Variants in LRBA observed in about 807,000 individuals in gnomAD.
The protein encoded by LRBA is lipopolysaccharide-responsive and beige-like anchor protein.
Under a neutral mutation model 330.0 loss-of-function variants are expected in LRBA, and 176 were observed. That is an observed-to-expected ratio of 0.53 (90% CI 0.47 to 0.60). The LOEUF is 0.60. LRBA is among the 20% of genes least tolerant of loss of function. The pLI, the probability that LRBA is intolerant of heterozygous loss-of-function variation, is 0.00. For missense variants in LRBA, 3,259 were observed against 3,444.8 expected, an observed-to-expected ratio of 0.95 and a Z score of 1.35; for synonymous variants, 1,230 against 1,193.0, an observed-to-expected ratio of 1.03 and a Z score of -0.64.
intron 22 of LRBA, among the ~76,000 whole-genome samples, chr4:150,860,787 C>T (rs1264249057): frequency 6.6e-6 from 1 of 151,168 alleles, no homozygotes; most frequent in East Asian, 1.9e-4. Flanking sequence ...AAGATCGTGC[C>T]ACAGGGCGAC....
intron 33 of LRBA, among the ~76,000 whole-genome samples, chr4:150,805,046 T>G (rs2126704038): frequency 6.6e-6 from 1 of 152,208 alleles, no homozygotes; most frequent in South Asian, 2.1e-4. Flanking sequence ...ATTTAAGAAA[T>G]TATCCTCTAT....
intron 17 of LRBA, among the ~76,000 whole-genome samples, chr4:150,884,650 C>T (rs1339893024): frequency 6.6e-6 from 1 of 151,842 alleles, no homozygotes; most frequent in Admixed American, 6.6e-5. Context: ...AGCTGTAGAC[C>T]GTGGAGAAAA....
chr4:150,687,315 G>A (rs770449301), intron 36 of LRBA, among the ~76,000 whole-genome samples: 10 of 152,044 alleles, frequency 6.6e-5, no homozygotes, highest in Admixed American at 3.9e-4. Context: ...ACATATTTGT[G>A]TATGTATGTA....
At chr4:150,387,762 G>A (rs2151902074) in intron 47 of LRBA, among the ~76,000 whole-genome samples, 1 of 152,148 alleles carries the variant, frequency 6.6e-6, no homozygotes, top group East Asian at 1.9e-4. Context: ...TAACATTTGA[G>A]CAAAAATTAT....
chr4:150,375,602 G>A (rs1212305297), intron 47 of LRBA, among the ~76,000 whole-genome samples: 2 of 149,768 alleles, frequency 1.3e-5, no homozygotes, highest in Non-Finnish European at 3.0e-5. Context: ...GGGATTACAG[G>A]TGCGCACCAC....
intron 46 of LRBA, among the ~76,000 whole-genome samples, chr4:150,420,471 C>T (rs182195395): frequency 0.066 from 4,055 of 61,388 alleles, 465 homozygotes; most frequent in African/African-American, 0.075. Context: ...ATATATAATA[C>T]ACATTATAAT....
chr4:150,582,803 C>T (rs938848555), intron 40 of LRBA: 1 of 480,520 alleles, frequency 2.1e-6, no homozygotes, highest in Non-Finnish European at 3.6e-6. Flanking sequence ...CCTTTTCTCC[C>T]CTAATTCTTC....
chr4:150,718,341 GACA>G lies in LRBA; in HGVS notation c.5754+16914_5754+16916del, dbSNP rs140278926. 9.0e-3 allele frequency among the ~76,000 whole-genome samples: 1,369 copies of G among 152,196 alleles called. 13 individuals carry two copies. Among genetic ancestry groups the G allele is most frequent in the Non-Finnish European group, 0.014 (963 of 67,980 alleles). On this transcript the variant is annotated intron_variant, in intron 36 of 56. Coordinates refer to ENST00000651943, the MANE Select transcript of LRBA (RefSeq NM_001364905.1). ...CACACAAATCGTACATTAAATAGAT[GACA>G]ACATCTTTTTTTGCAGAAGAAGGTA...
intron 28 of LRBA, among the ~76,000 whole-genome samples, chr4:150,836,297 AG>A (rs1181184040): frequency 3.9e-5 from 6 of 152,196 alleles, no homozygotes; most frequent in Non-Finnish European, 7.3e-5. Context: ...CTTTGGTAAC[AG>A]GATGATGCTG....
At chr4:150,756,829 T>C (rs1291347823) in intron 35 of LRBA, among the ~76,000 whole-genome samples, 2 of 152,124 alleles carry the variant, frequency 1.3e-5, no homozygotes, top group East Asian at 3.8e-4. Flanking sequence ...GGCTTTAATA[T>C]TCTTTAAGTT....
intron 17 of LRBA, among the ~76,000 whole-genome samples, chr4:150,888,143 TAAGGAAAAAGGA>T (rs1432119023): frequency 1.3e-5 from 2 of 148,890 alleles, no homozygotes; most frequent in African/African-American, 2.5e-5. Flanking sequence ...AGGAAAAAGG[TAAGGAAAAAGGA>T]AAGGAAAAAA....
intron 22 of LRBA, among the ~76,000 whole-genome samples, chr4:150,862,430 C>A (rs1186323997): frequency 1.3e-5 from 2 of 151,938 alleles, no homozygotes; most frequent in East Asian, 3.9e-4. Context: ...ATCACAAGGA[C>A]AGAAAACCAA....
intron 47 of LRBA, among the ~76,000 whole-genome samples, chr4:150,400,166 A>T (rs1260712390): frequency 6.6e-6 from 1 of 152,334 alleles, no homozygotes; most frequent in East Asian, 1.9e-4. Flanking sequence ...AATTGTGAAG[A>T]TCATTCCAAG....
chr4:150,803,204 T>C (rs1741996501), intron 33 of LRBA, among the ~76,000 whole-genome samples: 1 of 151,460 alleles, frequency 6.6e-6, no homozygotes, highest in South Asian at 2.1e-4. Context: ...TAAGAAACTA[T>C]TACTATTATT....
chr4:150,894,203 C>G (rs947993708), intron 16 of LRBA, among the ~76,000 whole-genome samples: 5 of 152,068 alleles, frequency 3.3e-5, no homozygotes, highest in African/African-American at 1.2e-4. Flanking sequence ...AGTGGTAGGG[C>G]TAAGATATTA....
At chr4:150,291,306 T>A in intron 53 of LRBA, among the ~76,000 whole-genome samples, 2 of 100,882 alleles carry the variant, frequency 2.0e-5, no homozygotes, top group Non-Finnish European at 2.0e-5. Context: ...TGGGAGAAAA[T>A]TTTCGCAACC....
chr4:150,583,539 C>T lies in LRBA; in HGVS notation c.6330+4509G>A. ...TCAGGGAGCGCTATGTGGTGCAAAT[C>T]ACTCCGGCGTTCAAGTGCACCGGGA... On this transcript the variant is annotated intron_variant, in intron 40 of 56. Transcript: ENST00000651943. The surrounding 1 kb of genome is among the most constrained non-coding windows in gnomAD (Gnocchi z 9.8). 6.2e-7 allele frequency: 1 copy of T among 1,613,900 alleles called. No individual in the cohort carries two copies. Among genetic ancestry groups the T allele is most frequent in the Non-Finnish European group, 8.5e-7 (1 of 1,179,944 alleles).
intron 2 of LRBA, among the ~76,000 whole-genome samples, chr4:150,942,434 C>T (rs1028048692): frequency 1.3e-5 from 2 of 152,136 alleles, no homozygotes; most frequent in African/African-American, 2.4e-5. Context: ...TTTCTTAAGG[C>T]CCAGCTCAAG....
intron 47 of LRBA, among the ~76,000 whole-genome samples, chr4:150,412,832 T>G (rs535891860): frequency 5.1e-4 from 77 of 151,610 alleles, no homozygotes; most frequent in African/African-American, 1.7e-3. Context: ...TGAGGATATT[T>G]TGTATCTTTT....
Sources: gnomAD v4.1 joint callset for allele counts (sites outside exome capture counted in the v4.1 genomes callset) on GRCh38, gnomAD v4.1.1 for gene constraint, Gnocchi (gnomAD v3.1) non-coding constraint, MANE v1.5 for transcripts, NCBI Gene and HGNC (gene_info 2026-07-23, HGNC 2026-07-21) for gene names.